BST1: variants seen among roughly 807,000 people sequenced by gnomAD.
The protein encoded by BST1 is ADP-ribosyl cyclase/cyclic ADP-ribose hydrolase 2.
Under a neutral mutation model 40.6 loss-of-function variants are expected in BST1, and 49 were observed. The ratio of observed to expected loss-of-function variants is 1.21; its 90% CI spans 0.96 to 1.53. The LOEUF (loss-of-function observed/expected upper bound fraction) is 1.53. Among genes scored for constraint, BST1 ranks in the 40% most tolerant of loss-of-function variants. BST1 has a pLI of 0.00. For synonymous variants in BST1, 157 were observed against 159.3 expected, an observed-to-expected ratio of 0.99 and a Z score of 0.11; for missense variants, 423 against 395.9, an observed-to-expected ratio of 1.07 and a Z score of -0.58.
chr4:15,756,732 G>A, the BST1 span, among the ~76,000 whole-genome samples: 10,825 of 152,162 alleles, frequency 0.071, 538 homozygotes, highest in East Asian at 0.16. Flanking sequence ...GGCCTCGGAG[G>A]GTGAGGTTTG....
chr4:15,759,757 T>C, the BST1 span, among the ~76,000 whole-genome samples: 1 of 151,964 alleles, frequency 6.6e-6, no homozygotes, highest in South Asian at 2.1e-4. Context: ...GATATTACCA[T>C]AAGTTAATAA....
downstream of BST1, among the ~76,000 whole-genome samples, chr4:15,735,150 G>C (rs1211333647): frequency 2.6e-5 from 4 of 152,082 alleles, no homozygotes; most frequent in African/African-American, 4.8e-5. Flanking sequence ...TTCCTGCCCT[G>C]TCTCCCATCT....
Position 15,731,839 on chromosome 4 carries a change from A to G in BST1, c.951A>G (p.Gln317=), listed in dbSNP as rs749086094. ...PLFLVLASRT[Q]L The stretch of plus-strand genomic sequence containing the variant: ...TTCTGGTGCTGGCTTCCAGGACTCA[A>G]CTGTAACTGGAAACTGTGTTGCTCT... Residue 317 remains glutamine (Q), a synonymous_variant, in exon 9 of 9, where the codon CAA becomes CAG. Coordinates refer to ENST00000265016, the MANE Select transcript of BST1 (RefSeq NM_004334.3). 16 of 1,612,654 alleles carry G rather than the reference A, an allele frequency of 9.9e-6. No individual in the cohort carries two copies. The highest frequency in any genetic ancestry group is 1.6e-4 in the Middle Eastern group (1 of 6,062).
chr4:15,773,796 C>CAAACA, the BST1 span, among the ~76,000 whole-genome samples: 30 of 151,674 alleles, frequency 2.0e-4, no homozygotes, highest in East Asian at 1.2e-3. Context: ...GAGCCTGTCT[C>CAAACA]AAACAAAACA....
chr4:15,755,921 C>A, the BST1 span, among the ~76,000 whole-genome samples: 2 of 152,284 alleles, frequency 1.3e-5, no homozygotes, highest in South Asian at 4.1e-4. Flanking sequence ...AAAGGTAAAA[C>A]AATCTGAGAG....
At chr4:15,707,851 C>CTATATA (rs1381695458) in intron 3 of BST1, among the ~76,000 whole-genome samples, 1 of 110,706 alleles carries the variant, frequency 9.0e-6, no homozygotes, top group African/African-American at 3.4e-5. Context: ...CTCTCTCTCT[C>CTATATA]TCTCTATATA....
At chr4:15,720,446 G>A (rs550155150) in intron 7 of BST1, among the ~76,000 whole-genome samples, 25 of 151,980 alleles carry the variant, frequency 1.6e-4, no homozygotes, top group East Asian at 7.7e-4. Flanking sequence ...GTGAAACCCC[G>A]TCTCTACTAA....
the BST1 span, among the ~76,000 whole-genome samples, chr4:15,772,008 T>C: frequency 1.7e-5 from 1 of 58,556 alleles, no homozygotes; most frequent in Non-Finnish European, 3.1e-5. Context: ...ACAATGAAGG[T>C]CTCTCTCTCT....
At chr4:15,752,641 GCCTCC>G in the BST1 span, among the ~76,000 whole-genome samples, 1 of 151,946 alleles carries the variant, frequency 6.6e-6, no homozygotes, top group Non-Finnish European at 1.5e-5. Context: ...ACCTGCCTCA[GCCTCC>G]CAAGCCATTC....
At chr4:15,713,392 G>T (rs1720326622) in intron 4 of BST1, among the ~76,000 whole-genome samples, 1 of 151,594 alleles carries the variant, frequency 6.6e-6, no homozygotes, top group Non-Finnish European at 1.5e-5. Flanking sequence ...CACCATATTG[G>T]CCAGGATGGT....
chr4:15,706,596 T>C (rs1208975049), intron 2 of BST1, among the ~76,000 whole-genome samples: 14 of 152,272 alleles, frequency 9.2e-5, no homozygotes, highest in Admixed American at 9.2e-4. Flanking sequence ...ACACCATTTT[T>C]GTTTCTGTGA....
exon 7 of BST1, chr4:15,738,175 T>C (rs1721637734): frequency 5.3e-6 from 1 of 190,052 alleles, no homozygotes; most frequent in Non-Finnish European, 1.1e-5. Context: ...ACTCCACCAC[T>C]CTGGTGGGGA....
intron 6 of BST1, among the ~76,000 whole-genome samples, chr4:15,718,587 A>G (rs1720636413): frequency 6.6e-6 from 1 of 152,184 alleles, no homozygotes; most frequent in Admixed American, 6.5e-5. Flanking sequence ...GAGCCCCTGG[A>G]GCACATTGCA....
chr4:15,740,445 G>A (rs1322564035), downstream of BST1, among the ~76,000 whole-genome samples: 2 of 152,130 alleles, frequency 1.3e-5, no homozygotes, highest in African/African-American at 2.4e-5. Flanking sequence ...ACCTAACATA[G>A]TCTAGTATCG....
chr4:15,734,571 G>A (rs891237543), downstream of BST1, among the ~76,000 whole-genome samples: 2 of 152,050 alleles, frequency 1.3e-5, no homozygotes, highest in Non-Finnish European at 2.9e-5. Context: ...AACTATATGT[G>A]AGAAAACAGG....
the BST1 span, among the ~76,000 whole-genome samples, chr4:15,759,781 C>T: frequency 2.6e-5 from 4 of 151,860 alleles, no homozygotes; most frequent in Non-Finnish European, 5.9e-5. Flanking sequence ...CTCAATACCC[C>T]GCTTTCTCCT....
At chr4:15,747,627 C>T in the BST1 span, among the ~76,000 whole-genome samples, 2 of 152,240 alleles carry the variant, frequency 1.3e-5, no homozygotes, top group South Asian at 4.1e-4. Context: ...TCTCCCTGAG[C>T]CAAAGCACAG....
the BST1 span, among the ~76,000 whole-genome samples, chr4:15,758,488 A>T: frequency 6.6e-6 from 1 of 151,976 alleles, no homozygotes; most frequent in African/African-American, 2.4e-5. Context: ...TGTTGCTGCT[A>T]AATATGTGGA....
At chr4:15,711,111 G>A (rs1003424285) in intron 3 of BST1, among the ~76,000 whole-genome samples, 1 of 152,060 alleles carries the variant, frequency 6.6e-6, no homozygotes, top group Non-Finnish European at 1.5e-5. Context: ...TTAATCAGTT[G>A]ATGGACACAG....
Sources: allele counts gnomAD v4.1 joint callset (sites outside exome capture counted in the v4.1 genomes callset), GRCh38; gene constraint gnomAD v4.1.1; transcripts MANE v1.5; gene names NCBI Gene and HGNC (gene_info 2026-07-23, HGNC 2026-07-21).